The following COP1 variants were observed in gnomAD, a reference collection of about 807,000 sequenced individuals.
COP1 encodes E3 ubiquitin-protein ligase COP1.
A neutral mutation model predicts 101.3 loss-of-function variants in COP1; 24 were observed. The ratio of observed to expected loss-of-function variants is 0.24; its 90% CI spans 0.17 to 0.33. COP1 has a LOEUF of 0.33. Ranked by LOEUF, COP1 falls within the 10% of genes least tolerant of loss-of-function variation. The pLI is 1.00. For synonymous variants in COP1, 347 were observed against 341.9 expected (o/e 1.01, Z -0.17); for missense variants, 663 against 906.2 (o/e 0.73, Z 3.45).
intron 3 of COP1, among the ~76,000 whole-genome samples, chr1:176,170,657 T>C (rs1695907465): frequency 6.6e-6 from 1 of 152,182 alleles, no homozygotes; most frequent in South Asian, 2.1e-4. Context: ...ACGGTAGATT[T>C]AGCATAATTC....
In COP1 at chr1:175,958,482, T is replaced by C. The variant is rs147422991; in HGVS notation, c.2134-11243A>G. Among the ~76,000 whole-genome samples the C allele has an allele frequency of 3.5e-3, 535 of 152,142 alleles. 9 individuals carry two copies. Among genetic ancestry groups the C allele is most frequent in the East Asian group, 0.031 (160 of 5,180 alleles). ...AATATTTTTGTCATTCCTCTCTCCC[T>C]GTTCAATATAGATGGTTTTATATAT... On this transcript the variant is annotated intron_variant, in intron 18 of 19. Transcript: ENST00000367669.
intron 9 of COP1, among the ~76,000 whole-genome samples, chr1:176,108,599 C>A (rs755109633): frequency 6.6e-6 from 1 of 152,120 alleles, no homozygotes; most frequent in African/African-American, 2.4e-5. Flanking sequence ...TGAGCACATA[C>A]ACTCATTGCA....
At chr1:176,134,901 T>C in intron 8 of COP1, 109 bp downstream of exon 8, 1 of 695,768 alleles carries the variant, frequency 1.4e-6, no homozygotes, top group Non-Finnish European at 2.5e-6. Context: ...ATGACCAAAG[T>C]AATTTCTCAG....
chr1:175,945,261 A>T (rs571846577), intron 19 of COP1, 91 bp from the exon 20 acceptor site: 1 of 951,074 alleles, frequency 1.1e-6, no homozygotes, highest in East Asian at 2.9e-5. Context: ...CCAATAGAAA[A>T]GCAAATTTAA....
At chr1:176,036,010 T>C (rs905626807) in intron 14 of COP1, among the ~76,000 whole-genome samples, 2 of 152,012 alleles carry the variant, frequency 1.3e-5, no homozygotes, top group African/African-American at 4.8e-5. Flanking sequence ...AAACAATCCA[T>C]AGATGAACAA....
chr1:176,015,910 C>A (rs1378361825), intron 15 of COP1, among the ~76,000 whole-genome samples: 1 of 152,058 alleles, frequency 6.6e-6, no homozygotes, highest in South Asian at 2.1e-4. Context: ...AAGGAAAATT[C>A]TTCTGTAATA....
intron 9 of COP1, among the ~76,000 whole-genome samples, chr1:176,099,503 T>TTC (rs1185441765): frequency 2.7e-4 from 26 of 94,664 alleles, no homozygotes; most frequent in African/African-American, 1.1e-3. Context: ...TGGAGCATAT[T>TTC]TGTCTCTCTC....
chr1:176,028,779 C>A (rs1668173337), intron 14 of COP1, among the ~76,000 whole-genome samples: 1 of 140,670 alleles, frequency 7.1e-6, no homozygotes, highest in Non-Finnish European at 1.5e-5. Context: ...GAGACAGGTT[C>A]TCCTCACTCT....
intron 1 of COP1, among the ~76,000 whole-genome samples, chr1:176,203,180 A>G (rs1700458726): frequency 6.6e-6 from 1 of 151,698 alleles, no homozygotes; most frequent in South Asian, 2.1e-4. Context: ...TACTAAAAAT[A>G]CAAAAAATTA....
chr1:175,989,129 T>TA (rs1459628817), intron 16 of COP1: 7 of 341,542 alleles, frequency 2.0e-5, no homozygotes, highest in Non-Finnish European at 2.7e-5. Flanking sequence ...GGAGGGTATA[T>TA]AAAAAACTAG....
chr1:176,145,252 T>C (rs186321353), intron 6 of COP1, among the ~76,000 whole-genome samples: 315 of 152,192 alleles, frequency 2.1e-3, no homozygotes, highest in Admixed American at 5.8e-3. Flanking sequence ...TACTAGGTGC[T>C]CAACCTCATA....
chr1:176,190,983 C>T (rs1028644066), intron 1 of COP1, among the ~76,000 whole-genome samples: 1 of 151,874 alleles, frequency 6.6e-6, no homozygotes, highest in Non-Finnish European at 1.5e-5. Context: ...TTTAGAAAAA[C>T]AAGCAGTAGT....
intron 2 of COP1, among the ~76,000 whole-genome samples, chr1:176,183,319 T>A (rs1401322776): frequency 6.6e-6 from 1 of 152,078 alleles, no homozygotes; most frequent in Non-Finnish European, 1.5e-5. Context: ...ATATAAGGAG[T>A]ATTAGAACAC....
chr1:176,005,143 G>C (rs528801997), intron 15 of COP1, among the ~76,000 whole-genome samples: 2 of 152,244 alleles, frequency 1.3e-5, no homozygotes, highest in African/African-American at 4.8e-5. Flanking sequence ...TTTGTGTAGA[G>C]GTGTTTGTAG....
intron 18 of COP1, among the ~76,000 whole-genome samples, chr1:175,949,291 C>T (rs755463756): frequency 2.4e-3 from 18 of 7,488 alleles, no homozygotes; most frequent in Admixed American, 5.0e-3. Context: ...CTTCCATATT[C>T]GGGGTGGGGG....
intron 1 of COP1, among the ~76,000 whole-genome samples, chr1:176,202,239 G>GA (rs1465664734): frequency 6.8e-6 from 1 of 147,360 alleles, no homozygotes; most frequent in Non-Finnish European, 1.5e-5. Context: ...GTCCAGGCTG[G>GA]AGTGCAGTGG....
At chr1:176,198,847 C>T (rs1264403698) in intron 1 of COP1, among the ~76,000 whole-genome samples, 2 of 151,966 alleles carry the variant, frequency 1.3e-5, no homozygotes, top group Non-Finnish European at 2.9e-5. Flanking sequence ...AAAATAAGCA[C>T]ATAAAAATAT....
intron 14 of COP1, among the ~76,000 whole-genome samples, chr1:176,034,950 A>C (rs1669227368): frequency 6.6e-6 from 1 of 152,208 alleles, no homozygotes; most frequent in Non-Finnish European, 1.5e-5. Context: ...GAAATGAAGA[A>C]ACAAACAAAA....
At chr1:176,192,292 A>C (rs1376085937) in intron 1 of COP1, among the ~76,000 whole-genome samples, 1 of 152,168 alleles carries the variant, frequency 6.6e-6, no homozygotes, top group African/African-American at 2.4e-5. Flanking sequence ...CAGAAGATTT[A>C]ATTCGTCTTG....
Sources: gnomAD v4.1 joint callset for allele counts (sites outside exome capture counted in the v4.1 genomes callset) on GRCh38, gnomAD v4.1.1 for gene constraint, MANE v1.5 for transcripts, NCBI Gene and HGNC (gene_info 2026-07-23, HGNC 2026-07-21) for gene names.